The following LRSAM1 variants were observed in gnomAD, a reference collection of about 807,000 sequenced individuals.
LRSAM1 encodes leucine rich repeat and sterile alpha motif containing 1.
A neutral mutation model predicts 118.1 loss-of-function variants in LRSAM1; 96 were observed. The ratio of observed to expected loss-of-function variants is 0.81; its 90% CI spans 0.69 to 0.96. LRSAM1 has a LOEUF of 0.96. LRSAM1 is among the 40% of genes least tolerant of loss of function. LRSAM1 has a pLI of 0.00. For missense variants in LRSAM1, 804 were observed against 915.5 expected (o/e 0.88, Z 1.57); for synonymous variants, 322 against 364.2 (o/e 0.88, Z 1.32).
chr9:127,488,207 C>T lies in LRSAM1; in HGVS notation c.1347+444C>T, dbSNP rs73590858. ...TGGCAGGGCTCTTGAGTGGATGAAA[C>T]GAAGGGCCCCTGTGACCTCCTCCCC... On this transcript the variant is annotated intron_variant, in intron 18 of 25. Coordinates refer to ENST00000300417, the MANE Select transcript of LRSAM1 (RefSeq NM_001005373.4). 1.2e-3 allele frequency among the ~76,000 whole-genome samples: 181 copies of T among 152,256 alleles called. 1 individual carries two copies. The highest frequency in any genetic ancestry group is 4.3e-3 in the African/African-American group (177 of 41,532).
At chr9:127,462,697 A>G (rs1023648411) in intron 9 of LRSAM1, among the ~76,000 whole-genome samples, 2 of 152,006 alleles carry the variant, frequency 1.3e-5, no homozygotes, top group African/African-American at 2.4e-5. Context: ...GGGGAGGGAG[A>G]GCATCAGGAA....
At chr9:127,480,565 A>G (rs1835500890) in intron 14 of LRSAM1, among the ~76,000 whole-genome samples, 1 of 152,150 alleles carries the variant, frequency 6.6e-6, no homozygotes, top group African/African-American at 2.4e-5. Context: ...CTCACCTGTC[A>G]GTTTCAAAAG....
At chr9:127,493,951 G>T (rs980749622) in intron 21 of LRSAM1, among the ~76,000 whole-genome samples, 3 of 152,248 alleles carry the variant, frequency 2.0e-5, no homozygotes, top group Non-Finnish European at 4.4e-5. Context: ...TGCTTCTGGA[G>T]CCCTGAACAA....
At chr9:127,471,472 TAAAAAAAAAAA>T (rs71380064) in intron 10 of LRSAM1, among the ~76,000 whole-genome samples, 1 of 68,044 alleles carries the variant, frequency 1.5e-5, no homozygotes, top group South Asian at 6.3e-4. Context: ...CCTTATGTTA[TAAAAAAAAAAA>T]AAAAAAAAAA....
At position 127,455,027 on chromosome 9, in the gene LRSAM1, C is replaced by T. The variant is rs762785076; in HGVS notation, c.102C>T (p.Leu34=). 80 of 1,614,012 alleles carry T rather than the reference C, an allele frequency of 5.0e-5. No homozygotes were observed. The highest frequency in any genetic ancestry group is 4.2e-4 in the South Asian group (38 of 91,086). Residue 34 remains leucine (L), a synonymous_variant, in exon 4 of 26, where the codon CTC becomes CTT. Transcript: ENST00000300417. The part of the protein sequence containing the change: ...LAKEAGADDI[L]DISKCELSEI... ...AAGAAGCTGGGGCAGATGACATTCT[C>T]GACATCTCTAAATGTGAGCTCTCAG... is the stretch of plus-strand genomic sequence containing the variant.
At chr9:127,466,475 C>CATATATACATAT (rs1834927170) in intron 9 of LRSAM1, among the ~76,000 whole-genome samples, 1 of 35,000 alleles carries the variant, frequency 2.9e-5, no homozygotes, top group South Asian at 2.0e-3. Flanking sequence ...AAGGAAGAAT[C>CATATATACATAT]ATATATATAT....
In LRSAM1 at chr9:127,492,837, C is replaced by G; in HGVS notation, c.1539C>G (p.Ser513=). ...MISEQRWALS[S]LLQQLLKEKQ... ...CGGAGCAGCGCTGGGCCCTCAGCTC[C>G]CTGCTCCAGCAGCTGCTCAAAGAGA... The change falls in exon 21 of 26, where the codon TCC becomes TCG. Residue 513 remains serine, a synonymous_variant. Coordinates refer to ENST00000300417, the MANE Select transcript of LRSAM1 (RefSeq NM_001005373.4). 6.2e-7 allele frequency: 1 copy of G among 1,613,974 alleles called. No individual in the cohort carries two copies. The highest frequency in any genetic ancestry group is 8.5e-7 in the Non-Finnish European group (1 of 1,180,040).
At chr9:127,471,563 G>C (rs1314606952) in intron 10 of LRSAM1, among the ~76,000 whole-genome samples, 1 of 150,648 alleles carries the variant, frequency 6.6e-6, no homozygotes, top group Admixed American at 6.6e-5. Flanking sequence ...GAGGTGGGTG[G>C]ATCACCTGAG....
chr9:127,467,616 C>T, intron 9 of LRSAM1, 124 bp from the exon 10 acceptor site: 6 of 933,756 alleles, frequency 6.4e-6, no homozygotes, highest in Non-Finnish European at 3.4e-6. Context: ...GTTCAGCCAC[C>T]TCTGCTGTCA....
intron 24 of LRSAM1, 125 bp downstream of exon 24, chr9:127,497,459 G>A (rs1324634814): frequency 1.6e-5 from 16 of 988,306 alleles, no homozygotes; most frequent in Middle Eastern, 2.1e-4. Context: ...TCTGCTGGTC[G>A]GTAAGGTTTC....
chr9:127,484,247 G>A (rs1478960655), intron 16 of LRSAM1, among the ~76,000 whole-genome samples: 4 of 131,152 alleles, frequency 3.0e-5, no homozygotes, highest in African/African-American at 1.1e-4. Flanking sequence ...TATAGCATGT[G>A]TTTGAATTTC....
chr9:127,455,557 CTTCT>C lies in LRSAM1; in HGVS notation c.130-16_130-13del, dbSNP rs1564249274. Reference sequence around the variant, plus strand: ...ACTGGCAGGAGGGGAGACACTTACTCTTCTTTATCTTATCTTAGATTCCATTTGG... The same window carrying C: ...ACTGGCAGGAGGGGAGACACTTACTCTTATCTTATCTTAGATTCCATTTGG... On this transcript the variant is annotated splice_polypyrimidine_tract_variant and intron_variant, in intron 4 of 25. Coordinates refer to ENST00000300417, the MANE Select transcript of LRSAM1 (RefSeq NM_001005373.4). 6.2e-7 allele frequency: 1 copy of C among 1,613,994 alleles called. No homozygotes were observed. Among genetic ancestry groups the C allele is most frequent in the Admixed American group, 1.7e-5 (1 of 60,034 alleles).
Position 127,479,843 on chromosome 9 carries a change from A to T in LRSAM1, c.908A>T (p.Gln303Leu). 4 of 1,611,838 alleles carry T rather than the reference A, an allele frequency of 2.5e-6. No homozygotes were observed. The highest frequency in any genetic ancestry group is 3.4e-6 in the Non-Finnish European group (4 of 1,178,300). Residue 303 changes from glutamine (Q) to leucine (L), a missense_variant, in exon 14 of 26, where the codon CAG becomes CTG. Physicochemically the swap from Gln to Leu is moderately radical, Grantham distance 113. Transcript: ENST00000300417. Reference sequence around the variant, plus strand: ...GACCCCTACCTCCGGCTGCAGGAGCAGTCCCGGCTGGAGCAGGGCCTGAGT... The same window carrying T: ...GACCCCTACCTCCGGCTGCAGGAGCTGTCCCGGCTGGAGCAGGGCCTGAGT... The part of the protein sequence containing the change: ...DEILQTVKEE[Q>L]SRLEQGLSEH...
rs1836460303 is a variant in LRSAM1 at position 127,503,106 on chromosome 9, A to T, written c.*207A>T. On this transcript the variant is annotated 3_prime_UTR_variant, in exon 26 of 26. Coordinates refer to ENST00000300417, the MANE Select transcript of LRSAM1 (RefSeq NM_001005373.4). The stretch of plus-strand genomic sequence containing the variant: ...CCTCATCCATGACACCACCAGTCTG[A>T]ATGGTCCTGGGGGCTGGGGCTGGAG... The T allele has an allele frequency of 1.5e-6, 1 of 666,760 alleles. No individual in the cohort carries two copies. The allele number at this position is 666,760 out of a possible 1,614,324, so 41.3% of individuals were successfully genotyped here.
intron 24 of LRSAM1, among the ~76,000 whole-genome samples, chr9:127,500,606 C>T (rs1243023099): frequency 6.6e-6 from 1 of 152,122 alleles, no homozygotes; most frequent in Admixed American, 6.5e-5. Context: ...GAGCTCCTGC[C>T]CCAGGGATCT....
chr9:127,493,187 G>A (rs1011431392), intron 21 of LRSAM1, among the ~76,000 whole-genome samples: 2 of 152,006 alleles, frequency 1.3e-5, no homozygotes, highest in East Asian at 1.9e-4. Context: ...TCAGCTTCCC[G>A]AGTAGCTGGG....
At chr9:127,472,989 G>A (rs934423569) in intron 10 of LRSAM1, among the ~76,000 whole-genome samples, 1 of 152,154 alleles carries the variant, frequency 6.6e-6, no homozygotes, top group Non-Finnish European at 1.5e-5. Flanking sequence ...TCCATCCCAT[G>A]AGGAGTGGCT....
intron 17 of LRSAM1, 116 bp from the exon 18 acceptor site, chr9:127,487,560 C>A: frequency 2.2e-6 from 2 of 923,836 alleles, no homozygotes; most frequent in Non-Finnish European, 3.4e-6. Flanking sequence ...GCAGGTACTC[C>A]ATGAATGTGG....
chr9:127,458,524 G>A (rs1304180723), intron 6 of LRSAM1, among the ~76,000 whole-genome samples: 1 of 152,154 alleles, frequency 6.6e-6, no homozygotes, highest in Non-Finnish European at 1.5e-5. Context: ...AGGTTGCAGT[G>A]AGCTGAGGTC....
Sources: gnomAD v4.1 joint callset for allele counts (sites outside exome capture counted in the v4.1 genomes callset) on GRCh38, gnomAD v4.1.1 for gene constraint, MANE v1.5 for transcripts, NCBI Gene and HGNC (gene_info 2026-07-23, HGNC 2026-07-21) for gene names.